Variants in STPG2 observed in about 807,000 individuals in gnomAD.
The protein encoded by STPG2 is sperm-tail PG-rich repeat-containing protein 2.
STPG2 carries 56 observed loss-of-function variants against 54.2 expected under a neutral mutation model. That is an observed-to-expected ratio of 1.03 (90% CI 0.83 to 1.29). STPG2 has a LOEUF of 1.29. Among genes scored for constraint, STPG2 ranks in the 50% most tolerant of loss-of-function variants. The pLI is 0.00. For missense variants in STPG2, 596 were observed against 544.9 expected (o/e 1.09, Z -0.93); for synonymous variants, 200 against 181.8 (o/e 1.10, Z -0.81).
chr4:97,673,860 A>G (rs1358645398), intron 10 of STPG2, among the ~76,000 whole-genome samples: 1 of 152,282 alleles, frequency 6.6e-6, no homozygotes, highest in East Asian at 1.9e-4. Context: ...ATATCATTGC[A>G]ATGAAATTTC....
chr4:97,799,153 T>C (rs1727295622), intron 9 of STPG2, among the ~76,000 whole-genome samples: 1 of 143,832 alleles, frequency 7.0e-6, no homozygotes, highest in African/African-American at 2.6e-5. Context: ...TCAGTCTGTG[T>C]CTTTTAATTG....
chr4:97,845,933 A>C (rs1313736103), intron 8 of STPG2, among the ~76,000 whole-genome samples: 2 of 152,134 alleles, frequency 1.3e-5, no homozygotes, highest in African/African-American at 4.8e-5. Context: ...AAAAAGAAAG[A>C]ATTTGTGGGT....
chr4:97,551,852 T>G (rs1731973795), intron 4 of STPG2, among the ~76,000 whole-genome samples: 1 of 152,158 alleles, frequency 6.6e-6, no homozygotes. Flanking sequence ...TACCTAGGAC[T>G]GGGGGGTGTC....
At chr4:97,919,290 C>A (rs1732006268) in intron 8 of STPG2, among the ~76,000 whole-genome samples, 1 of 148,664 alleles carries the variant, frequency 6.7e-6, no homozygotes, top group African/African-American at 2.5e-5. Flanking sequence ...TTTTAAGAAA[C>A]TAGAAAAAAA....
At chr4:98,102,426 A>G (rs974363494) in intron 5 of STPG2, among the ~76,000 whole-genome samples, 2 of 152,158 alleles carry the variant, frequency 1.3e-5, no homozygotes, top group African/African-American at 4.8e-5. Context: ...ATGACCCACG[A>G]ATTCTAAATA....
intron 4 of STPG2, among the ~76,000 whole-genome samples, chr4:97,495,754 TA>T (rs1730599454): frequency 6.8e-6 from 1 of 147,766 alleles, no homozygotes; most frequent in Non-Finnish European, 1.5e-5. Context: ...AGCCAAATTC[TA>T]AAATTTTAAC....
At chr4:97,852,516 G>A (rs1729192442) in intron 8 of STPG2, among the ~76,000 whole-genome samples, 1 of 152,142 alleles carries the variant, frequency 6.6e-6, no homozygotes, top group African/African-American at 2.4e-5. Context: ...TTTATCCTGT[G>A]AGATTGTCAG....
intron 10 of STPG2, among the ~76,000 whole-genome samples, chr4:97,606,138 C>A (rs1198494931): frequency 2.0e-5 from 3 of 151,840 alleles, no homozygotes; most frequent in African/African-American, 7.2e-5. Flanking sequence ...TAAATGTGTG[C>A]TTTTCCCATC....
At chr4:98,046,050 C>CA in intron 5 of STPG2, among the ~76,000 whole-genome samples, 1 of 136,516 alleles carries the variant, frequency 7.3e-6, no homozygotes, top group Admixed American at 7.4e-5. Flanking sequence ...TTTTTTCATT[C>CA]TTTTTTTTTT....
At chr4:97,739,079 A>G (rs1004901778) in intron 9 of STPG2, among the ~76,000 whole-genome samples, 4 of 152,134 alleles carry the variant, frequency 2.6e-5, no homozygotes, top group Admixed American at 2.6e-4. Context: ...CCGCTCAACT[A>G]CATGGAAACT....
chr4:97,491,578 T>C (rs1730504491), intron 4 of STPG2, among the ~76,000 whole-genome samples: 1 of 151,460 alleles, frequency 6.6e-6, no homozygotes, highest in Non-Finnish European at 1.5e-5. Flanking sequence ...ACAGGCATTA[T>C]ATTAGTTTAT....
chr4:98,039,692 A>T (rs1330919240), intron 5 of STPG2, among the ~76,000 whole-genome samples: 1 of 143,498 alleles, frequency 7.0e-6, no homozygotes. Flanking sequence ...ACATATATAT[A>T]TATATATCTC....
intron 5 of STPG2, among the ~76,000 whole-genome samples, chr4:98,024,253 G>T (rs1736338665): frequency 6.6e-6 from 1 of 152,186 alleles, no homozygotes; most frequent in Non-Finnish European, 1.5e-5. Flanking sequence ...GACTAATACA[G>T]AGGAGTGTGC....
intron 8 of STPG2, among the ~76,000 whole-genome samples, chr4:97,879,771 C>T (rs1467342542): frequency 6.6e-6 from 1 of 152,140 alleles, no homozygotes; most frequent in South Asian, 2.1e-4. Context: ...TATCATCTCA[C>T]ACCTGTTAGA....
chr4:97,892,684 G>A (rs556137510), intron 8 of STPG2, among the ~76,000 whole-genome samples: 1 of 152,294 alleles, frequency 6.6e-6, no homozygotes, highest in South Asian at 2.1e-4. Context: ...TACCTGTGAT[G>A]TGTGTTAGGG....
intron 5 of STPG2, among the ~76,000 whole-genome samples, chr4:98,037,688 T>C (rs1736819438): frequency 6.6e-6 from 1 of 151,974 alleles, no homozygotes; most frequent in Admixed American, 6.6e-5. Flanking sequence ...AAAAAGAATA[T>C]TCAAAGTTAT....
chr4:97,988,498 T>C (rs1734895618), intron 5 of STPG2, among the ~76,000 whole-genome samples: 1 of 152,208 alleles, frequency 6.6e-6, no homozygotes, highest in Admixed American at 6.5e-5. Context: ...GAAGAATGGA[T>C]GGGTACATGA....
chr4:97,955,431 G>A (rs1040427713), intron 7 of STPG2, among the ~76,000 whole-genome samples: 1 of 151,938 alleles, frequency 6.6e-6, no homozygotes, highest in Non-Finnish European at 1.5e-5. Flanking sequence ...TAGCCAAAAT[G>A]GTCTCGATCT....
intron 9 of STPG2, among the ~76,000 whole-genome samples, chr4:97,715,199 A>G (rs1560499521): frequency 6.6e-6 from 1 of 152,194 alleles, no homozygotes; most frequent in Non-Finnish European, 1.5e-5. Flanking sequence ...TATATGATAC[A>G]GGTCAAAGAC....
Sources: gnomAD v4.1 joint callset for allele counts (sites outside exome capture counted in the v4.1 genomes callset) on GRCh38, gnomAD v4.1.1 for gene constraint, MANE v1.5 for transcripts, NCBI Gene and HGNC (gene_info 2026-07-23, HGNC 2026-07-21) for gene names.